Variants in BMPR1A observed in about 807,000 individuals in gnomAD.
The protein encoded by BMPR1A is bone morphogenetic protein receptor type 1A.
In BMPR1A, 7 loss-of-function variants were observed where a neutral mutation model predicts 66.0. The ratio of observed to expected loss-of-function variants is 0.11; its 90% CI spans 0.06 to 0.20. The LOEUF is 0.20. Ranked by LOEUF, BMPR1A falls within the 10% of genes least tolerant of loss-of-function variation. The pLI is 1.00. For missense variants in BMPR1A, 408 were observed against 669.1 expected, an observed-to-expected ratio of 0.61 and a Z score of 4.31; for synonymous variants, 200 against 229.7, an observed-to-expected ratio of 0.87 and a Z score of 1.17.
At chr10:86,833,022 A>G (rs1368961289) in intron 1 of BMPR1A, among the ~76,000 whole-genome samples, 1 of 152,124 alleles carries the variant, frequency 6.6e-6, no homozygotes, top group Non-Finnish European at 1.5e-5. Flanking sequence ...AGGCGGGAGG[A>G]TTGCTTGAGC....
At chr10:86,797,231 A>AT (rs1236270338) in intron 1 of BMPR1A, among the ~76,000 whole-genome samples, 4,256 of 83,758 alleles carry the variant, frequency 0.051, 162 homozygotes, top group Middle Eastern at 0.13. Context: ...AGCCCGGCTA[A>AT]TTTTTTTTTT....
intron 7 of BMPR1A, among the ~76,000 whole-genome samples, chr10:86,906,506 C>T (rs1475460295): frequency 1.0e-5 from 1 of 99,264 alleles, no homozygotes; most frequent in Middle Eastern, 4.5e-3. Flanking sequence ...GATCACGAGG[C>T]CAGGAGATCG....
chr10:86,855,279 A>G, intron 2 of BMPR1A: 1 of 1,086,636 alleles, frequency 9.2e-7, no homozygotes, highest in Non-Finnish European at 1.2e-6. Context: ...CAAAAACCTC[A>G]GTTTCTTCTG....
chr10:86,840,292 A>G (rs1321187222), intron 2 of BMPR1A, among the ~76,000 whole-genome samples: 2 of 152,182 alleles, frequency 1.3e-5, no homozygotes, highest in Non-Finnish European at 2.9e-5. Flanking sequence ...GCCCCTGCCA[A>G]ACCGCTGGAT....
intron 1 of BMPR1A, among the ~76,000 whole-genome samples, chr10:86,823,061 A>G (rs533970819): frequency 6.6e-6 from 1 of 152,356 alleles, no homozygotes; most frequent in Admixed American, 6.5e-5. Flanking sequence ...AATGTTTGAT[A>G]AATGGAACTC....
chr10:86,921,782 A>G, intron 11 of BMPR1A, 87 bp downstream of exon 11: 1 of 1,556,192 alleles, frequency 6.4e-7, no homozygotes, highest in Non-Finnish European at 8.8e-7. Context: ...TTAGTTTTTA[A>G]TTTTTGTGGG....
intron 1 of BMPR1A, among the ~76,000 whole-genome samples, chr10:86,794,254 A>G (rs1029822156): frequency 1.3e-5 from 2 of 151,036 alleles, no homozygotes; most frequent in Admixed American, 1.3e-4. Flanking sequence ...TTTTTTTTTT[A>G]TGACAGTTGT....
chr10:86,808,725 T>C (rs1044392230), intron 1 of BMPR1A, among the ~76,000 whole-genome samples: 2 of 152,230 alleles, frequency 1.3e-5, no homozygotes, highest in African/African-American at 4.8e-5. Flanking sequence ...AGTTTTGATA[T>C]TATCACTTCC....
Position 86,866,399 on chromosome 10 carries a change from C to CTTTTTTTTTTTTT in BMPR1A, c.-152-9453_-152-9441dup, listed in dbSNP as rs1048293127. ...TGTGTTAAGTTGGGCAAGTTTCTTT[C>CTTTTTTTTTTTTT]TTTTTTTTTTTTTTTTTTTTTTTTT... is the stretch of plus-strand genomic sequence containing the variant. On this transcript the variant is annotated intron_variant, in intron 2 of 12. Coordinates refer to ENST00000372037, the MANE Select transcript of BMPR1A (RefSeq NM_004329.3). Among the ~76,000 whole-genome samples the CTTTTTTTTTTTTT allele has an allele frequency of 1.2e-3, 81 of 69,434 alleles. 1 individual carries two copies. The highest frequency in any genetic ancestry group is 3.3e-3 in the East Asian group (5 of 1,538). The allele number at this position is 69,434 out of a possible 152,430, so 45.6% of individuals were successfully genotyped here.
At chr10:86,814,784 TTTTG>T (rs991130934) in intron 1 of BMPR1A, among the ~76,000 whole-genome samples, 33 of 152,236 alleles carry the variant, frequency 2.2e-4, no homozygotes, top group African/African-American at 7.5e-4. Flanking sequence ...CACTGTTTTT[TTTTG>T]TTTGTTTGTT....
intron 1 of BMPR1A, among the ~76,000 whole-genome samples, chr10:86,770,382 A>G (rs1412708249): frequency 7.3e-6 from 1 of 136,314 alleles, no homozygotes; most frequent in Non-Finnish European, 1.5e-5. Flanking sequence ...ACTGCACTTC[A>G]GTCTGCGAGA....
At chr10:86,789,203 A>G (rs1419704159) in intron 1 of BMPR1A, among the ~76,000 whole-genome samples, 1 of 152,220 alleles carries the variant, frequency 6.6e-6, no homozygotes, top group Non-Finnish European at 1.5e-5. Flanking sequence ...AGAAGAAAAC[A>G]TAGGTATAAA....
intron 2 of BMPR1A, among the ~76,000 whole-genome samples, chr10:86,872,535 T>C (rs1044037828): frequency 1.3e-5 from 2 of 152,112 alleles, no homozygotes; most frequent in Non-Finnish European, 1.5e-5. Flanking sequence ...AATAAGTTGG[T>C]TGATGGTTTG....
intron 1 of BMPR1A, among the ~76,000 whole-genome samples, chr10:86,772,610 C>T (rs1475669772): frequency 6.6e-6 from 1 of 152,038 alleles, no homozygotes; most frequent in East Asian, 1.9e-4. Flanking sequence ...TGATTAAGTC[C>T]ATCTGTGGGG....
intron 1 of BMPR1A, among the ~76,000 whole-genome samples, chr10:86,796,416 T>C (rs1189735744): frequency 1.3e-5 from 2 of 152,100 alleles, no homozygotes; most frequent in Non-Finnish European, 2.9e-5. Flanking sequence ...ATAATGTTCA[T>C]CAATTTACTT....
chr10:86,822,622 T>TCC (rs767209059), intron 1 of BMPR1A, among the ~76,000 whole-genome samples: 8 of 113,210 alleles, frequency 7.1e-5, no homozygotes, highest in Non-Finnish European at 1.0e-4. Context: ...TCTTTTTTTT[T>TCC]CCCGTTTTTA....
At chr10:86,787,884 C>CCA (rs1841540300) in intron 1 of BMPR1A, among the ~76,000 whole-genome samples, 1 of 151,082 alleles carries the variant, frequency 6.6e-6, no homozygotes. Context: ...GGAAATCTGC[C>CCA]CCCCCCCATA....
chr10:86,885,550 TCA>T (rs1479861356), intron 3 of BMPR1A, among the ~76,000 whole-genome samples: 1 of 152,228 alleles, frequency 6.6e-6, no homozygotes, highest in Non-Finnish European at 1.5e-5. Flanking sequence ...ACATTTTAAG[TCA>T]CATGTGGCTA....
At chr10:86,913,917 T>C (rs1843526268) in intron 8 of BMPR1A, among the ~76,000 whole-genome samples, 1 of 152,148 alleles carries the variant, frequency 6.6e-6, no homozygotes, top group Non-Finnish European at 1.5e-5. Flanking sequence ...TTCTAACATT[T>C]ATATGGAAAT....
Sources: allele counts gnomAD v4.1 joint callset (sites outside exome capture counted in the v4.1 genomes callset), GRCh38; gene constraint gnomAD v4.1.1; transcripts MANE v1.5; gene names NCBI Gene and HGNC (gene_info 2026-07-23, HGNC 2026-07-21).